SNX29: variants seen among roughly 807,000 people sequenced by gnomAD.
The protein encoded by SNX29 is sorting nexin 29.
SNX29 carries 78 observed loss-of-function variants against 102.1 expected under a neutral mutation model. The ratio of observed to expected loss-of-function variants is 0.76; its 90% CI spans 0.64 to 0.92. The LOEUF (loss-of-function observed/expected upper bound fraction) is 0.92. SNX29 is among the 40% of genes least tolerant of loss of function. The probability of loss-of-function intolerance (pLI) is 0.00; values close to 1 mark genes in which losing one functional copy is unlikely to be tolerated. For missense variants in SNX29, 1,280 were observed against 1,061.7 expected (o/e 1.21, Z -2.86); for synonymous variants, 580 against 414.5 (o/e 1.40, Z -4.85).
chr16:12,255,444 T>C (rs2078543873), intron 14 of SNX29, among the ~76,000 whole-genome samples: 1 of 152,172 alleles, frequency 6.6e-6, no homozygotes, highest in Admixed American at 6.5e-5. Context: ...TCCAGTATTC[T>C]TAACTACAGC....
chr16:12,564,463 G>A (rs1009753385), intron 20 of SNX29, among the ~76,000 whole-genome samples: 2 of 152,190 alleles, frequency 1.3e-5, no homozygotes, highest in Non-Finnish European at 2.9e-5. Context: ...GTTTTGGGGA[G>A]GTTATGGATC....
intron 15 of SNX29, among the ~76,000 whole-genome samples, chr16:12,328,164 A>G (rs765840256): frequency 6.6e-6 from 1 of 152,194 alleles, no homozygotes; most frequent in East Asian, 1.9e-4. Flanking sequence ...CGTTTGGCAC[A>G]GTGCCTCCCG....
chr16:12,505,168 C>T (rs533287860), intron 19 of SNX29, among the ~76,000 whole-genome samples: 30 of 152,280 alleles, frequency 2.0e-4, no homozygotes, highest in African/African-American at 5.8e-4. Flanking sequence ...GGTGGACAAA[C>T]GTTTATCTTC....
At chr16:12,410,059 A>G (rs1449636379) in intron 18 of SNX29, among the ~76,000 whole-genome samples, 1 of 151,938 alleles carries the variant, frequency 6.6e-6, no homozygotes, top group Admixed American at 6.6e-5. Flanking sequence ...CAGTAGCGCA[A>G]TCTCGGTTCA....
At chr16:12,492,621 A>G (rs558302666) in intron 19 of SNX29, among the ~76,000 whole-genome samples, 17 of 152,308 alleles carry the variant, frequency 1.1e-4, no homozygotes, top group African/African-American at 3.8e-4. Flanking sequence ...TATGTCCTGA[A>G]TGGTAATGGC....
At chr16:12,557,132 A>C (rs1181210370) in intron 20 of SNX29, among the ~76,000 whole-genome samples, 1 of 151,760 alleles carries the variant, frequency 6.6e-6, no homozygotes, top group Non-Finnish European at 1.5e-5. Context: ...TAGACACAGG[A>C]GTCACTGCCC....
intron 20 of SNX29, among the ~76,000 whole-genome samples, chr16:12,539,601 C>A (rs989835622): frequency 1.1e-4 from 17 of 152,148 alleles, no homozygotes; most frequent in African/African-American, 3.9e-4. Flanking sequence ...GCGGCAAATA[C>A]CTAAGAGTTG....
At position 11,993,296 on chromosome 16, in the gene SNX29, G is replaced by A. The variant is rs539140524; in HGVS notation, c.8-6001G>A. Reference sequence around the variant, plus strand: ...CGAGGGTTAAAGAAGGAATATAGCCGGAGTGCCTGGTTGCCTCCTGCTTGT... The same window carrying A: ...CGAGGGTTAAAGAAGGAATATAGCCAGAGTGCCTGGTTGCCTCCTGCTTGT... On this transcript the variant is annotated intron_variant, in intron 1 of 20. Transcript: ENST00000566228. Among the ~76,000 whole-genome samples the A allele has an allele frequency of 4.3e-4, 66 of 152,202 alleles. No homozygotes were observed. The East Asian group carries it at 9.1e-3, about 21-fold the overall frequency.
At chr16:11,984,478 A>G (rs1218207918) in intron 1 of SNX29, among the ~76,000 whole-genome samples, 2 of 152,124 alleles carry the variant, frequency 1.3e-5, no homozygotes, top group African/African-American at 2.4e-5. Context: ...TCAGGACAAA[A>G]CTTTACCACA....
At chr16:12,275,663 A>G (rs1199803788) in intron 14 of SNX29, among the ~76,000 whole-genome samples, 1 of 143,582 alleles carries the variant, frequency 7.0e-6, no homozygotes, top group African/African-American at 2.6e-5. Context: ...AGCTTCTGTA[A>G]TTTTGTTTTT....
rs529250709 is a variant in SNX29 at position 12,566,402 on chromosome 16, T to G, written c.2319-2104T>G. Among the ~76,000 whole-genome samples the G allele has an allele frequency of 3.9e-5, 5 of 128,794 alleles. No homozygotes were observed. In the East Asian group the frequency reaches 1.1e-3, roughly 29 times the overall value. The allele number at this position is 128,794 out of a possible 152,430, so 84.5% of individuals were successfully genotyped here. A position where few individuals can be genotyped will look rare whatever the true frequency, so the allele number is the denominator to read the frequency against. ...AGGCACTGGCCTCTCCCAGGCACTC[T>G]CAGAGCCTGTTACCTCCAGGGCCTC... On this transcript the variant is annotated intron_variant, in intron 20 of 20. Transcript: ENST00000566228.
chr16:12,284,379 A>G (rs114803509), intron 15 of SNX29, among the ~76,000 whole-genome samples: 36 of 152,340 alleles, frequency 2.4e-4, no homozygotes, highest in African/African-American at 8.4e-4. Context: ...AACCCAGCTG[A>G]GTGCCTGCAG....
At chr16:12,369,887 A>T (rs533713741) in intron 16 of SNX29, among the ~76,000 whole-genome samples, 1 of 152,158 alleles carries the variant, frequency 6.6e-6, no homozygotes, top group East Asian at 1.9e-4. Context: ...CTGATGTTCT[A>T]TGTATTTTTT....
intron 19 of SNX29, among the ~76,000 whole-genome samples, chr16:12,488,438 C>T (rs1353504200): frequency 1.3e-5 from 2 of 149,120 alleles, no homozygotes; most frequent in African/African-American, 4.9e-5. Flanking sequence ...TTCCTTCCCG[C>T]AGTCCCCCCC....
chr16:12,367,823 A>C (rs1398896624), intron 16 of SNX29, among the ~76,000 whole-genome samples: 1 of 152,236 alleles, frequency 6.6e-6, no homozygotes, highest in Non-Finnish European at 1.5e-5. Flanking sequence ...GTCTTGAAGG[A>C]GATTATTTTT....
intron 16 of SNX29, among the ~76,000 whole-genome samples, chr16:12,376,917 G>A (rs985369218): frequency 3.3e-5 from 5 of 152,040 alleles, no homozygotes; most frequent in African/African-American, 1.2e-4. Flanking sequence ...TTGAGGGTTG[G>A]TTTGGGGAAC....
intron 13 of SNX29, among the ~76,000 whole-genome samples, chr16:12,157,224 AAGGT>A (rs1567260550): frequency 1.2e-4 from 18 of 152,142 alleles, no homozygotes; most frequent in African/African-American, 4.3e-4. Context: ...TTGTCCCCTC[AAGGT>A]GCTGGCTGTC....
Position 12,499,925 on chromosome 16 carries a change from C to T in SNX29, c.2178+22066C>T, listed in dbSNP as rs1000691690. On this transcript the variant is annotated intron_variant, in intron 19 of 20. Coordinates refer to ENST00000566228, the MANE Select transcript of SNX29 (RefSeq NM_032167.5). ...CTCCTGGGCTCAAGGGATCCACCTG[C>T]CTCAGTCTCACAAAGTGCTAGGATT... Among the ~76,000 whole-genome samples the T allele has an allele frequency of 3.3e-5, 5 of 152,274 alleles. No individual in the cohort carries two copies. In the East Asian group the frequency reaches 9.7e-4, roughly 29 times the overall value.
At chr16:12,531,482 C>T (rs906653857) in intron 20 of SNX29, among the ~76,000 whole-genome samples, 23 of 152,204 alleles carry the variant, frequency 1.5e-4, no homozygotes, top group African/African-American at 4.6e-4. Flanking sequence ...TTGGAAGGCC[C>T]TACCAAGAGG....
Sources: gnomAD v4.1 joint callset for allele counts (sites outside exome capture counted in the v4.1 genomes callset) on GRCh38, gnomAD v4.1.1 for gene constraint, MANE v1.5 for transcripts, NCBI Gene and HGNC (gene_info 2026-07-23, HGNC 2026-07-21) for gene names.